SATB1: variants seen among roughly 807,000 people sequenced by gnomAD.
SATB1 encodes SATB homeobox 1.
A neutral mutation model predicts 86.9 loss-of-function variants in SATB1; 11 were observed. That is an observed-to-expected ratio of 0.13 (90% CI 0.08 to 0.21). The LOEUF (loss-of-function observed/expected upper bound fraction) is 0.21. Among genes scored for constraint, SATB1 ranks in the 10% least tolerant of loss-of-function variants. SATB1 has a pLI of 1.00. For synonymous variants in SATB1, 357 were observed against 357.2 expected, an observed-to-expected ratio of 1.00 and a Z score of 0.01; for missense variants, 551 against 937.6, an observed-to-expected ratio of 0.59 and a Z score of 5.39.
At chr3:18,409,012 T>C (rs1697695579) in intron 5 of SATB1, 3 of 151,972 alleles carry the variant, frequency 2.0e-5, no homozygotes, top group African/African-American at 7.2e-5. Context: ...AATACTCTCA[T>C]GATATGGTAA....
At chr3:18,441,962 CAAAAG>C (rs1699253646), upstream of SATB1, among the ~76,000 whole-genome samples, 1 of 152,042 alleles carries the variant, frequency 6.6e-6, no homozygotes, top group African/African-American at 2.4e-5. Context: ...TGCTGGGAGA[CAAAAG>C]AACTACTTTT....
chr3:18,351,268 C>A, intron 10 of SATB1: 1 of 1,476,676 alleles, frequency 6.8e-7, no homozygotes, highest in South Asian at 1.2e-5. Context: ...TTAGGTCACC[C>A]CCTCTCTGTG....
chr3:18,386,316 T>C lies in SATB1; in HGVS notation c.1419+83A>G. ...AAACATATAAATCTATGTATCTATC[T>C]ATCTAATTTCTTATTGAGATTCTTC... On this transcript the variant is annotated intron_variant, in intron 8 of 10. Transcript: ENST00000338745. This position sits in a 1 kb window ranked among gnomAD's most constrained non-coding sequence, Gnocchi z 4.5. 9.8e-7 allele frequency: 1 copy of C among 1,023,912 alleles called. No individual in the cohort carries two copies. The highest frequency in any genetic ancestry group is 1.5e-6 in the Non-Finnish European group (1 of 675,386). 63.4% of individuals were successfully genotyped at this position (1,023,912 alleles called of 1,614,324 possible). A position where few individuals can be genotyped will look rare whatever the true frequency, so the allele number is the denominator to read the frequency against.
At chr3:18,403,482 T>C (rs891484255) in intron 5 of SATB1, among the ~76,000 whole-genome samples, 19 of 152,258 alleles carry the variant, frequency 1.2e-4, no homozygotes, top group Admixed American at 7.2e-4. Context: ...AGGGAAATAA[T>C]CTTGCACAGG....
chr3:18,405,476 C>A (rs1575149816), intron 5 of SATB1, among the ~76,000 whole-genome samples: 4 of 152,100 alleles, frequency 2.6e-5, no homozygotes, highest in African/African-American at 7.2e-5. Context: ...GTACTTTGAG[C>A]AATTCATTTT....
chr3:18,409,797 C>CA (rs1035487799), intron 5 of SATB1, among the ~76,000 whole-genome samples: 34 of 151,948 alleles, frequency 2.2e-4, no homozygotes, highest in African/African-American at 8.2e-4. Context: ...GGGGCAAGTA[C>CA]AAAATCATTC....
chr3:18,420,459 G>T (rs543630775), intron 2 of SATB1, among the ~76,000 whole-genome samples: 1 of 151,982 alleles, frequency 6.6e-6, no homozygotes, highest in African/African-American at 2.4e-5. Context: ...TACAATCCTC[G>T]ACTACAACAC....
At chr3:18,404,578 A>G (rs1431315904) in intron 5 of SATB1, among the ~76,000 whole-genome samples, 2 of 152,034 alleles carry the variant, frequency 1.3e-5, no homozygotes, top group Non-Finnish European at 2.9e-5. Flanking sequence ...TATATTTCCT[A>G]AAGATGAAAA....
At chr3:18,364,196 G>A (rs1285112269) in intron 9 of SATB1, among the ~76,000 whole-genome samples, 1 of 152,068 alleles carries the variant, frequency 6.6e-6, no homozygotes, top group Admixed American at 6.6e-5. Flanking sequence ...GGACCCTTCT[G>A]GGAGTCTGGT....
At chr3:18,417,597 C>T (rs1575165958) in intron 2 of SATB1, 2 of 671,184 alleles carry the variant, frequency 3.0e-6, no homozygotes, top group Non-Finnish European at 2.7e-6. Flanking sequence ...TTAACTCTAA[C>T]TGGTTCCACA....
chr3:18,376,774 T>A (rs1046381055), intron 9 of SATB1, among the ~76,000 whole-genome samples: 6 of 152,148 alleles, frequency 3.9e-5, no homozygotes, highest in Non-Finnish European at 8.8e-5. Context: ...ATGACAGAAT[T>A]TTACATTCCA....
At chr3:18,406,682 T>C (rs1697554430) in intron 5 of SATB1, among the ~76,000 whole-genome samples, 1 of 152,042 alleles carries the variant, frequency 6.6e-6, no homozygotes. Flanking sequence ...CACATATTCA[T>C]GAACATTATC....
chr3:18,403,879 T>G (rs1391535003), intron 5 of SATB1, among the ~76,000 whole-genome samples: 1 of 152,052 alleles, frequency 6.6e-6, no homozygotes, highest in Non-Finnish European at 1.5e-5. Context: ...AAGTTCAACT[T>G]CATACATTCT....
At chr3:18,385,178 C>T (rs9756467) in intron 8 of SATB1, among the ~76,000 whole-genome samples, 93,090 of 151,990 alleles carry the variant, frequency 0.61, 29,080 homozygotes, top group East Asian at 0.93. Context: ...CACTTTCTAC[C>T]ATTGATGAGA....
upstream of SATB1, among the ~76,000 whole-genome samples, chr3:18,428,708 CAG>C (rs531611500): frequency 7.9e-5 from 12 of 152,284 alleles, no homozygotes; most frequent in African/African-American, 2.9e-4. Flanking sequence ...ACATTTAAAA[CAG>C]AGTGCATCAA....
At chr3:18,373,347 T>C (rs967975109) in intron 9 of SATB1, among the ~76,000 whole-genome samples, 1 of 152,176 alleles carries the variant, frequency 6.6e-6, no homozygotes, top group Non-Finnish European at 1.5e-5. Context: ...CAAAGTCTGT[T>C]ATATGAACAT....
intron 3 of SATB1, among the ~76,000 whole-genome samples, chr3:18,416,368 C>T (rs1698112684): frequency 6.6e-6 from 1 of 151,854 alleles, no homozygotes; most frequent in Non-Finnish European, 1.5e-5. Context: ...GAAATAAAAC[C>T]CCATCAATAA....
Position 18,349,021 on chromosome 3 carries a change from C to G in SATB1, c.*149G>C. Reference sequence around the variant, plus strand: ...AAACATTTAGTGCAGTCTGTATTATCCTTTTCCAACTTTTCTGTTTGTGCA... The same window carrying G: ...AAACATTTAGTGCAGTCTGTATTATGCTTTTCCAACTTTTCTGTTTGTGCA... On this transcript the variant is annotated 3_prime_UTR_variant, in exon 11 of 11. Coordinates refer to ENST00000338745, the MANE Select transcript of SATB1 (RefSeq NM_002971.6). This position sits in a 1 kb window ranked among gnomAD's most constrained non-coding sequence, Gnocchi z 5.5. 7.5e-7 allele frequency: 1 copy of G among 1,339,622 alleles called. No individual in the cohort carries two copies. Among genetic ancestry groups the G allele is most frequent in the East Asian group, 2.5e-5 (1 of 40,058 alleles). The allele number at this position is 1,339,622 out of a possible 1,614,324, so 83.0% of individuals were successfully genotyped here. A position where few individuals can be genotyped will look rare whatever the true frequency, so the allele number is the denominator to read the frequency against.
intron 7 of SATB1, among the ~76,000 whole-genome samples, chr3:18,388,917 C>A (rs892884790): frequency 3.3e-5 from 5 of 152,054 alleles, no homozygotes; most frequent in Non-Finnish European, 5.9e-5. Context: ...GTGAGAAAGT[C>A]AAATACAGGA....
Sources: gnomAD v4.1 joint callset for allele counts (sites outside exome capture counted in the v4.1 genomes callset) on GRCh38, gnomAD v4.1.1 for gene constraint, Gnocchi (gnomAD v3.1) non-coding constraint, MANE v1.5 for transcripts, NCBI Gene and HGNC (gene_info 2026-07-23, HGNC 2026-07-21) for gene names.